Variants in BBX observed in about 807,000 individuals in gnomAD.
BBX encodes the protein HMG box transcription factor BBX.
A neutral mutation model predicts 100.2 loss-of-function variants in BBX; 30 were observed. The observed-to-expected ratio is 0.30, with a 90% CI of 0.22 to 0.41. The LOEUF (loss-of-function observed/expected upper bound fraction) is 0.41, where lower values mean the gene tolerates loss of function less well. Ranked by LOEUF, BBX falls within the 10% of genes least tolerant of loss-of-function variation. The probability of loss-of-function intolerance (pLI) is 1.00; values close to 1 mark genes in which losing one functional copy is unlikely to be tolerated. For missense variants in BBX, 1,023 were observed against 1,129.8 expected, an observed-to-expected ratio of 0.91 and a Z score of 1.35; for synonymous variants, 376 against 388.1, an observed-to-expected ratio of 0.97 and a Z score of 0.37.
At chr3:107,570,020 C>A (rs1232654540) in intron 2 of BBX, among the ~76,000 whole-genome samples, 1 of 152,138 alleles carries the variant, frequency 6.6e-6, no homozygotes, top group Non-Finnish European at 1.5e-5. Flanking sequence ...AGTGGGGTCC[C>A]GTACAGATAG....
At chr3:107,765,223 C>T (rs1033872506) in intron 10 of BBX, among the ~76,000 whole-genome samples, 3 of 152,166 alleles carry the variant, frequency 2.0e-5, no homozygotes, top group South Asian at 2.1e-4. Flanking sequence ...ATTATTTTAG[C>T]TCTGTACTAG....
intron 13 of BBX, among the ~76,000 whole-genome samples, chr3:107,782,599 AC>A (rs889452773): frequency 6.6e-6 from 1 of 151,734 alleles, no homozygotes; most frequent in African/African-American, 2.4e-5. Context: ...GCAACTTCTC[AC>A]CCCCAAAACA....
At chr3:107,616,202 A>G (rs1453107106) in intron 2 of BBX, among the ~76,000 whole-genome samples, 1 of 151,790 alleles carries the variant, frequency 6.6e-6, no homozygotes, top group African/African-American at 2.4e-5. Flanking sequence ...TAGTGCCAAC[A>G]TGATTCTCAA....
At chr3:107,570,400 C>T (rs1029805777) in intron 2 of BBX, among the ~76,000 whole-genome samples, 1 of 152,036 alleles carries the variant, frequency 6.6e-6, no homozygotes, top group Non-Finnish European at 1.5e-5. Context: ...GGCCTTCTGA[C>T]CTTTTAGGGT....
At chr3:107,653,607 C>T (rs1269978641) in intron 3 of BBX, among the ~76,000 whole-genome samples, 1 of 152,182 alleles carries the variant, frequency 6.6e-6, no homozygotes, top group African/African-American at 2.4e-5. Flanking sequence ...TCTGTCTCTG[C>T]TGTGGCTATA....
chr3:107,789,001 G>C (rs1468893341), intron 13 of BBX, among the ~76,000 whole-genome samples: 3 of 152,130 alleles, frequency 2.0e-5, no homozygotes, highest in African/African-American at 7.2e-5. Context: ...ATGGTGTTGA[G>C]CTGGACAAGG....
intron 10 of BBX, among the ~76,000 whole-genome samples, chr3:107,761,470 G>T (rs2065896781): frequency 6.6e-6 from 1 of 152,176 alleles, no homozygotes; most frequent in Non-Finnish European, 1.5e-5. Flanking sequence ...ATAAGAACTG[G>T]AATTGAGAGA....
intron 10 of BBX, among the ~76,000 whole-genome samples, chr3:107,763,264 G>A (rs548449709): frequency 3.6e-5 from 5 of 138,024 alleles, no homozygotes; most frequent in Non-Finnish European, 6.2e-5. Context: ...TCGCTCTGTT[G>A]CCCAGGCTGG....
chr3:107,719,510 A>C (rs2062369035), intron 5 of BBX, among the ~76,000 whole-genome samples: 1 of 151,996 alleles, frequency 6.6e-6, no homozygotes, highest in Non-Finnish European at 1.5e-5. Flanking sequence ...ATCTGGTAAG[A>C]CAAAGCACCT....
chr3:107,591,218 T>C (rs1481256865), intron 2 of BBX, among the ~76,000 whole-genome samples: 1 of 108,362 alleles, frequency 9.2e-6, no homozygotes, highest in Non-Finnish European at 1.9e-5. Context: ...TTTTAAGGAT[T>C]TTTTTTTTAA....
intron 7 of BBX, among the ~76,000 whole-genome samples, chr3:107,743,283 A>G (rs1031411754): frequency 6.6e-6 from 1 of 152,192 alleles, no homozygotes; most frequent in Non-Finnish European, 1.5e-5. Context: ...CCTCTAAATT[A>G]TAAAGATATA....
intron 7 of BBX, among the ~76,000 whole-genome samples, chr3:107,743,864 G>C (rs1349181253): frequency 7.0e-6 from 1 of 142,350 alleles, no homozygotes; most frequent in South Asian, 2.2e-4. Context: ...AGTATTAACA[G>C]TACTTATCTT....
intron 2 of BBX, among the ~76,000 whole-genome samples, chr3:107,536,018 A>G (rs1288133058): frequency 6.6e-6 from 1 of 152,242 alleles, no homozygotes; most frequent in Admixed American, 6.5e-5. Flanking sequence ...AGGCAGTTCC[A>G]TATTAGTGGA....
At chr3:107,795,957 G>A (rs1329060973) in intron 15 of BBX, among the ~76,000 whole-genome samples, 2 of 152,204 alleles carry the variant, frequency 1.3e-5, no homozygotes, top group East Asian at 3.9e-4. Flanking sequence ...GCTAGTCACA[G>A]GAGTACTGTT....
At chr3:107,623,825 T>G (rs1407431152) in intron 2 of BBX, among the ~76,000 whole-genome samples, 1 of 152,208 alleles carries the variant, frequency 6.6e-6, no homozygotes, top group Admixed American at 6.5e-5. Flanking sequence ...AGGGTGATTT[T>G]AAATTCATGT....
chr3:107,629,345 A>G (rs1252206327), intron 2 of BBX, among the ~76,000 whole-genome samples: 1 of 152,328 alleles, frequency 6.6e-6, no homozygotes, highest in South Asian at 2.1e-4. Context: ...ACTTATTTCT[A>G]CATAGAAGGG....
At chr3:107,600,575 G>T (rs978101865) in intron 2 of BBX, among the ~76,000 whole-genome samples, 25 of 152,210 alleles carry the variant, frequency 1.6e-4, no homozygotes, top group African/African-American at 6.0e-4. Flanking sequence ...AAAGACAGTA[G>T]TGCTTAAATC....
chr3:107,721,309 A>C (rs968336327), intron 5 of BBX, among the ~76,000 whole-genome samples: 8 of 151,984 alleles, frequency 5.3e-5, no homozygotes, highest in African/African-American at 1.9e-4. Context: ...AGTAATTCTC[A>C]ACTATTTTAT....
At chr3:107,621,550 A>G (rs954960294) in intron 2 of BBX, among the ~76,000 whole-genome samples, 1 of 152,214 alleles carries the variant, frequency 6.6e-6, no homozygotes, top group Non-Finnish European at 1.5e-5. Flanking sequence ...TTAGAACTCT[A>G]GGTAGAATTA....
Sources: allele counts gnomAD v4.1 joint callset (sites outside exome capture counted in the v4.1 genomes callset), GRCh38; gene constraint gnomAD v4.1.1; transcripts MANE v1.5; gene names NCBI Gene and HGNC (gene_info 2026-07-23, HGNC 2026-07-21).